SETDB1: variants seen among roughly 807,000 people sequenced by gnomAD.
SETDB1 encodes histone-lysine N-methyltransferase SETDB1.
SETDB1 carries 31 observed loss-of-function variants against 137.4 expected under a neutral mutation model. The observed-to-expected ratio is 0.23, with a 90% CI of 0.17 to 0.30. SETDB1 has a LOEUF of 0.30. SETDB1 is among the 10% of genes least tolerant of loss of function. The probability of loss-of-function intolerance (pLI) is 1.00; values close to 1 mark genes in which losing one functional copy is unlikely to be tolerated. For missense variants in SETDB1, 1,113 were observed against 1,631.5 expected, an observed-to-expected ratio of 0.68 and a Z score of 5.47; for synonymous variants, 548 against 579.9, an observed-to-expected ratio of 0.95 and a Z score of 0.79.
intron 3 of SETDB1, 85 bp downstream of exon 3, chr1:150,930,203 G>A: frequency 8.2e-7 from 1 of 1,219,446 alleles, no homozygotes; most frequent in Non-Finnish European, 1.2e-6. Flanking sequence ...ATAGAAGAGA[G>A]GAGAAACCAT....
intron 2 of SETDB1, among the ~76,000 whole-genome samples, chr1:150,929,584 G>A (rs1213587255): frequency 1.3e-5 from 2 of 151,780 alleles, no homozygotes; most frequent in African/African-American, 2.4e-5. Flanking sequence ...TTACCATGTC[G>A]GCCAGGCTGG....
chr1:150,941,238 T>A, intron 4 of SETDB1, 91 bp from the exon 5 acceptor site: 1 of 706,284 alleles, frequency 1.4e-6, no homozygotes, highest in East Asian at 2.7e-5. Context: ...TCCATTTTGT[T>A]TTGTGAAATA....
chr1:150,937,037 A>G (rs973665763), intron 3 of SETDB1, among the ~76,000 whole-genome samples: 9 of 152,148 alleles, frequency 5.9e-5, no homozygotes, highest in African/African-American at 2.2e-4. Context: ...CGGCACAAGA[A>G]TTGCTTGAAC....
chr1:150,960,755 C>T lies in SETDB1; in HGVS notation c.2696C>T (p.Pro899Leu). 1 of 1,611,364 alleles carries T rather than the reference C, an allele frequency of 6.2e-7. No individual in the cohort carries two copies. The highest frequency in any genetic ancestry group is 8.5e-7 in the Non-Finnish European group (1 of 1,178,658). Residue 899 changes from proline to leucine, a missense_variant, in exon 16 of 22, where the codon CCT (proline) becomes CTT (leucine). This residue lies in a region of SETDB1 where 373 missense variants were observed against 412.7 expected (regional missense o/e 0.90). Transcript: ENST00000692827. The stretch of plus-strand genomic sequence containing the variant: ...GATGGCAACAGCGGTACAGAGGACC[C>T]TGAAGAGTCCAATGATGATAGCTCA... ...QEDGNSGTED[P>L]EESNDDSSDD...
chr1:150,959,628 C>T (rs1373715560), intron 15 of SETDB1, among the ~76,000 whole-genome samples: 2 of 152,164 alleles, frequency 1.3e-5, no homozygotes, highest in African/African-American at 4.8e-5. Flanking sequence ...ATCATTTTCT[C>T]CCATGTCACT....
chr1:150,949,600 T>A, intron 12 of SETDB1, 75 bp downstream of exon 12: 1 of 1,335,668 alleles, frequency 7.5e-7, no homozygotes. Flanking sequence ...TCCTTGGCTG[T>A]AAGCGAAGGG....
At chr1:150,933,039 G>C (rs907691481) in intron 3 of SETDB1, among the ~76,000 whole-genome samples, 2 of 143,100 alleles carry the variant, frequency 1.4e-5, no homozygotes, top group African/African-American at 5.1e-5. Flanking sequence ...TATAATTTTA[G>C]TCTTTTTGAA....
At chr1:150,961,489 A>T in intron 16 of SETDB1, 1 of 346,072 alleles carries the variant, frequency 2.9e-6, no homozygotes, top group Non-Finnish European at 5.5e-6. Context: ...CCCCGTCTCT[A>T]CTAAAAAATA....
rs894092437 is a variant in SETDB1 at position 150,927,610 on chromosome 1, G to C, written c.-11-94G>C. ...TATTTGAATAGAATAACAGGCAGCA[G>C]AGTAGGAATTAGTTTTATTAGGGAA... On this transcript the variant is annotated intron_variant, in intron 1 of 21. Coordinates refer to ENST00000692827, the MANE Select transcript of SETDB1 (RefSeq NM_001366418.1). The C allele has an allele frequency of 1.8e-5, 19 of 1,066,840 alleles. 1 individual carries two copies. Among genetic ancestry groups the C allele is most frequent in the South Asian group, 3.0e-5 (2 of 66,808 alleles). 66.1% of individuals were successfully genotyped at this position (1,066,840 alleles called of 1,614,324 possible).
chr1:150,943,205 G>T, intron 7 of SETDB1, 152 bp downstream of exon 7: 1 of 602,380 alleles, frequency 1.7e-6, no homozygotes, highest in Non-Finnish European at 2.9e-6. Flanking sequence ...GAGTCATGTG[G>T]GTGATTCTTT....
At chr1:150,934,805 G>A (rs1669897002) in intron 3 of SETDB1, among the ~76,000 whole-genome samples, 1 of 150,484 alleles carries the variant, frequency 6.6e-6, no homozygotes, top group Admixed American at 6.6e-5. Context: ...CTCAATCTTC[G>A]TTTACCCAGG....
chr1:150,963,243 C>G, intron 19 of SETDB1, 104 bp downstream of exon 19: 1 of 1,082,652 alleles, frequency 9.2e-7, no homozygotes. Context: ...AATTCAGATC[C>G]TAAGAATTGG....
intron 5 of SETDB1, 117 bp from the exon 6 acceptor site, chr1:150,942,446 C>CAAA (rs11430191): frequency 9.5e-4 from 641 of 671,362 alleles, no homozygotes; most frequent in Middle Eastern, 1.4e-3. Context: ...GACTCCATCT[C>CAAA]AAAAAAAAAA....
At chr1:150,962,835 T>C in intron 18 of SETDB1, 116 bp downstream of exon 18, 1 of 1,453,616 alleles carries the variant, frequency 6.9e-7, no homozygotes. Context: ...AGCCTTGACT[T>C]CCTGCCTTAT....
At chr1:150,929,928 T>C in intron 2 of SETDB1, 39 bp from the exon 3 acceptor site, 1 of 1,583,090 alleles carries the variant, frequency 6.3e-7, no homozygotes, top group Non-Finnish European at 8.6e-7. Context: ...TTAATTCCTC[T>C]ACTGGCTTTG....
rs1670471689 is a variant in SETDB1, at chr1:150,950,765, C to T, written c.1891C>T (p.Pro631Ser). The part of the protein sequence containing the change: ...KMGFHVIYKT[P>S]CGLCLRTMQE... ...GGGCTTTCATGTTATCTATAAGACA[C>T]CTTGTGGTCTCTGCCTTCGGACAAT... Residue 631 changes from proline (P) to serine (S), a missense_variant, in exon 13 of 22, where the codon CCT (proline) becomes TCT (serine). Physicochemically the swap from Pro to Ser is moderately conservative, Grantham distance 74. Around this residue, in one of 11 missense-constraint regions of SETDB1, gnomAD observed 55 missense variants for 118.5 expected, o/e 0.46. Coordinates refer to ENST00000692827, the MANE Select transcript of SETDB1 (RefSeq NM_001366418.1). 1 of 1,614,192 alleles carries T rather than the reference C, an allele frequency of 6.2e-7. No homozygotes were observed. Among genetic ancestry groups the T allele is most frequent in the African/African-American group, 1.3e-5 (1 of 75,040 alleles).
Position 150,963,087 on chromosome 1 carries a change from C to T in SETDB1, c.3408C>T (p.Thr1136=), listed in dbSNP as rs750529874. ...ATAVDSDDIQ[T]ISSGSEGDDF... ...CGGTTGACAGTGATGATATCCAGACCATATCCTCTGGCTCTGAAGGGGATG... is the reference window on the plus strand; with the variant it reads ...CGGTTGACAGTGATGATATCCAGACTATATCCTCTGGCTCTGAAGGGGATG... Residue 1136 remains threonine (T), a synonymous_variant, in exon 19 of 22, where the codon ACC becomes ACT. Transcript: ENST00000692827. 5 of 1,614,070 alleles carry T rather than the reference C, an allele frequency of 3.1e-6. No individual in the cohort carries two copies. In the Admixed American group the frequency reaches 5.0e-5, roughly 16 times the overall value.
chr1:150,962,774 C>T, intron 18 of SETDB1, 55 bp downstream of exon 18: 2 of 1,579,816 alleles, frequency 1.3e-6, no homozygotes, highest in African/African-American at 2.7e-5. Context: ...GCCATTGTCA[C>T]CTCATCAAGT....
Position 150,963,977 on chromosome 1 carries a change from C to T in SETDB1, c.3673-18C>T, listed in dbSNP as rs1348965371. The T allele has an allele frequency of 2.5e-6, 4 of 1,609,900 alleles. No homozygotes were observed. Reference sequence around the variant, plus strand: ...CAGTTTCCCTGGTTCTTATTTGATCCTGTCCTTAAACCTACAGCACAGTTG... The same window carrying T: ...CAGTTTCCCTGGTTCTTATTTGATCTTGTCCTTAAACCTACAGCACAGTTG... On this transcript the variant is annotated intron_variant, in intron 20 of 21. Transcript: ENST00000692827.
Sources: allele counts gnomAD v4.1 joint callset (sites outside exome capture counted in the v4.1 genomes callset), GRCh38; gene constraint gnomAD v4.1.1; regional missense constraint gnomAD v4.1.1; transcripts MANE v1.5; gene names NCBI Gene and HGNC (gene_info 2026-07-23, HGNC 2026-07-21).